LINGO2: variants seen among roughly 807,000 people sequenced by gnomAD.
The protein encoded by LINGO2 is leucine-rich repeat and immunoglobulin-like domain-containing nogo receptor-interacting protein 2.
A neutral mutation model predicts 30.6 loss-of-function variants in LINGO2; 14 were observed. The observed-to-expected ratio is 0.46, with a 90% CI of 0.30 to 0.72. LINGO2 has a LOEUF of 0.72. LINGO2 is among the 30% of genes least tolerant of loss of function. The pLI is 0.07. For synonymous variants in LINGO2, 317 were observed against 288.5 expected, an observed-to-expected ratio of 1.10 and a Z score of -1.00; for missense variants, 729 against 751.7, an observed-to-expected ratio of 0.97 and a Z score of 0.35.
At chr9:28,085,640 T>C (rs994472400) in intron 4 of LINGO2, among the ~76,000 whole-genome samples, 1 of 151,928 alleles carries the variant, frequency 6.6e-6, no homozygotes, top group Admixed American at 6.6e-5. Context: ...AGGCAGAATA[T>C]CCCTATAATA....
chr9:28,100,429 A>T (rs541167353), intron 4 of LINGO2, among the ~76,000 whole-genome samples: 1 of 152,316 alleles, frequency 6.6e-6, no homozygotes, highest in Non-Finnish European at 1.5e-5. Flanking sequence ...AGTAAAATGT[A>T]GTAAATGCTA....
At chr9:28,920,105 ATT>A in the LINGO2 span, among the ~76,000 whole-genome samples, 1 of 152,080 alleles carries the variant, frequency 6.6e-6, no homozygotes, top group Admixed American at 6.6e-5. Context: ...ATTTAAGATG[ATT>A]CTTTTAAAAT....
chr9:28,965,348 A>G, the LINGO2 span, among the ~76,000 whole-genome samples: 3 of 151,982 alleles, frequency 2.0e-5, no homozygotes, highest in Non-Finnish European at 4.4e-5. Flanking sequence ...CTTCCTTTTA[A>G]AGGAAACAAA....
At chr9:28,093,130 C>T (rs771081726) in intron 4 of LINGO2, among the ~76,000 whole-genome samples, 2 of 151,958 alleles carry the variant, frequency 1.3e-5, no homozygotes, top group African/African-American at 2.4e-5. Context: ...GTGCAATGTG[C>T]GATGTTGCCA....
chr9:29,147,559 T>A, the LINGO2 span, among the ~76,000 whole-genome samples: 1 of 152,084 alleles, frequency 6.6e-6, no homozygotes, highest in East Asian at 1.9e-4. Flanking sequence ...CCAGAAACAA[T>A]GCCTATACAT....
the LINGO2 span, chr9:27,939,539 G>C: frequency 6.6e-6 from 1 of 152,220 alleles, no homozygotes; most frequent in Admixed American, 6.5e-5. Flanking sequence ...TTACACATTT[G>C]TTCTGTGCTC....
chr9:29,034,847 A>G, the LINGO2 span, among the ~76,000 whole-genome samples: 1 of 152,282 alleles, frequency 6.6e-6, no homozygotes, highest in African/African-American at 2.4e-5. Flanking sequence ...TTTACTGACA[A>G]TGCCATAATG....
the LINGO2 span, among the ~76,000 whole-genome samples, chr9:29,064,562 ACTC>A: frequency 1.3e-5 from 2 of 151,960 alleles, no homozygotes; most frequent in African/African-American, 4.8e-5. Context: ...TTAAGATAAC[ACTC>A]CTCTAACCTC....
the LINGO2 span, among the ~76,000 whole-genome samples, chr9:29,060,658 G>C: frequency 6.6e-6 from 1 of 151,836 alleles, no homozygotes; most frequent in South Asian, 2.1e-4. Flanking sequence ...TAAATGGAAA[G>C]ATAGTTCATA....
At chr9:28,383,343 C>T (rs1026142076) in intron 2 of LINGO2, among the ~76,000 whole-genome samples, 1 of 151,464 alleles carries the variant, frequency 6.6e-6, no homozygotes, top group Non-Finnish European at 1.5e-5. Context: ...TAGTCCCTCT[C>T]TATCTGGAAT....
chr9:29,184,535 A>G, the LINGO2 span, among the ~76,000 whole-genome samples: 2 of 152,248 alleles, frequency 1.3e-5, no homozygotes, highest in African/African-American at 2.4e-5. Context: ...TTCAGAATAT[A>G]TATGTCTCTC....
At chr9:28,949,462 T>C in the LINGO2 span, among the ~76,000 whole-genome samples, 1 of 150,982 alleles carries the variant, frequency 6.6e-6, no homozygotes, top group African/African-American at 2.4e-5. Flanking sequence ...CAAACTACCA[T>C]CAGAGAATAC....
intron 4 of LINGO2, among the ~76,000 whole-genome samples, chr9:28,102,570 G>A (rs1826448959): frequency 1.3e-5 from 2 of 151,680 alleles, no homozygotes; most frequent in South Asian, 4.2e-4. Context: ...ATCAATGTGA[G>A]AGACTGCAGC....
intron 1 of LINGO2, among the ~76,000 whole-genome samples, chr9:28,590,550 T>A (rs1824830018): frequency 6.6e-6 from 1 of 151,768 alleles, no homozygotes; most frequent in Admixed American, 6.6e-5. Context: ...AAAAAACACA[T>A]GAAAAAATGC....
At chr9:28,630,704 A>G (rs1826896441) in intron 1 of LINGO2, among the ~76,000 whole-genome samples, 1 of 152,106 alleles carries the variant, frequency 6.6e-6, no homozygotes, top group Non-Finnish European at 1.5e-5. Context: ...AGATATTTGA[A>G]TGGCATTATT....
At chr9:28,367,777 G>A (rs188378811) in intron 3 of LINGO2, among the ~76,000 whole-genome samples, 121 of 151,600 alleles carry the variant, frequency 8.0e-4, no homozygotes, top group African/African-American at 2.6e-3. Flanking sequence ...AAATAATTCC[G>A]GCTATTAGTT....
the LINGO2 span, among the ~76,000 whole-genome samples, chr9:28,743,709 G>GT: frequency 6.6e-6 from 1 of 151,372 alleles, no homozygotes; most frequent in South Asian, 2.1e-4. Context: ...TAGTTTTTTT[G>GT]TTTTTTTGTT....
At chr9:28,632,720 C>CTATATATAGATCTATATATT (rs1193303526) in intron 1 of LINGO2, among the ~76,000 whole-genome samples, 2 of 125,618 alleles carry the variant, frequency 1.6e-5, no homozygotes, top group Non-Finnish European at 3.3e-5. Flanking sequence ...ATATATAGAT[C>CTATATATAGATCTATATATT]TATATATAGA....
At chr9:28,511,586 C>A (rs1322690463) in intron 1 of LINGO2, among the ~76,000 whole-genome samples, 3 of 152,206 alleles carry the variant, frequency 2.0e-5, no homozygotes, top group East Asian at 3.8e-4. Flanking sequence ...AAATCCTCCT[C>A]TACTGAGGTC....
Sources: allele counts gnomAD v4.1 joint callset (sites outside exome capture counted in the v4.1 genomes callset), GRCh38; gene constraint gnomAD v4.1.1; transcripts MANE v1.5; gene names NCBI Gene and HGNC (gene_info 2026-07-23, HGNC 2026-07-21).